DHRS7C: variants seen among roughly 807,000 people sequenced by gnomAD.
DHRS7C encodes the protein dehydrogenase/reductase SDR family member 7C.
DHRS7C carries 28 observed loss-of-function variants against 29.6 expected under a neutral mutation model. The observed-to-expected ratio is 0.95, with a 90% CI of 0.70 to 1.30. The LOEUF (loss-of-function observed/expected upper bound fraction) is 1.30, where lower values mean the gene tolerates loss of function less well. Among genes scored for constraint, DHRS7C ranks in the 50% most tolerant of loss-of-function variants. The probability of loss-of-function intolerance (pLI) is 0.00; values close to 1 mark genes in which losing one functional copy is unlikely to be tolerated. For missense variants in DHRS7C, 403 were observed against 393.3 expected, an observed-to-expected ratio of 1.02 and a Z score of -0.21; for synonymous variants, 158 against 160.2, an observed-to-expected ratio of 0.99 and a Z score of 0.10.
At chr17:9,786,936 T>C (rs2066427315) in intron 1 of DHRS7C, among the ~76,000 whole-genome samples, 1 of 152,136 alleles carries the variant, frequency 6.6e-6, no homozygotes, top group South Asian at 2.1e-4. Flanking sequence ...CTCCCTCTCT[T>C]GATGATGAGC....
chr17:9,788,798 A>G (rs1438270584), intron 1 of DHRS7C, among the ~76,000 whole-genome samples: 2 of 152,246 alleles, frequency 1.3e-5, no homozygotes, highest in Admixed American at 6.5e-5. Context: ...CACTGCCGTC[A>G]GCAGCGTGGA....
At chr17:9,781,702 C>T in intron 1 of DHRS7C, 108 bp from the exon 2 acceptor site, 2 of 1,048,640 alleles carry the variant, frequency 1.9e-6, no homozygotes, top group Non-Finnish European at 2.8e-6. Context: ...GAAGTCTTAG[C>T]ACCACGAGGT....
In DHRS7C at chr17:9,788,082, A is replaced by G. The variant is rs1209159702; in HGVS notation, c.154+3049T>C. ...AATCAGTCTGATTTCAGAAATGTTT[A>G]AAGGACAGAAACTGCACCTTTGAGG... On this transcript the variant is annotated intron_variant, in intron 1 of 5. Transcript: ENST00000571134. Among the ~76,000 whole-genome samples, 5 of 152,208 alleles carry G rather than the reference A, an allele frequency of 3.3e-5. No homozygotes were observed. The East Asian group carries it at 9.6e-4, about 29-fold the overall frequency.
chr17:9,777,369 C>T, intron 3 of DHRS7C, 84 bp from the exon 4 acceptor site: 1 of 1,113,848 alleles, frequency 9.0e-7, no homozygotes, highest in Non-Finnish European at 1.3e-6. Context: ...CCCCGGTACC[C>T]TCATCACAGG....
chr17:9,783,923 AG>A (rs2087803157), intron 1 of DHRS7C, among the ~76,000 whole-genome samples: 1 of 150,344 alleles, frequency 6.7e-6, no homozygotes, highest in Non-Finnish European at 1.5e-5. Context: ...CCTGGGCAAC[AG>A]AGTGAGACTC....
chr17:9,775,868 G>A lies in DHRS7C; in HGVS notation c.571+1325C>T, dbSNP rs1262085634. Among the ~76,000 whole-genome samples, 1 of 152,164 alleles carries A rather than the reference G, an allele frequency of 6.6e-6. No homozygotes were observed. Among genetic ancestry groups the A allele is most frequent in the Non-Finnish European group, 1.5e-5 (1 of 68,030 alleles). On this transcript the variant is annotated intron_variant, in intron 4 of 5. Coordinates refer to ENST00000571134, the MANE Select transcript of DHRS7C (RefSeq NM_001105571.3). This position sits in a 1 kb window ranked among gnomAD's most constrained non-coding sequence, Gnocchi z 4.2. ...GATTAATATAAAATGAGGGCATTAGGCTGCGTCCTACTCTAATCTGACTGG... is the reference window on the plus strand; with the variant it reads ...GATTAATATAAAATGAGGGCATTAGACTGCGTCCTACTCTAATCTGACTGG...
At chr17:9,772,460 C>T (rs747153901) in intron 5 of DHRS7C, among the ~76,000 whole-genome samples, 7 of 152,160 alleles carry the variant, frequency 4.6e-5, no homozygotes, top group Non-Finnish European at 1.0e-4. Context: ...AACCCCGAAT[C>T]CAGGCCATGA....
chr17:9,782,184 A>C (rs868186314), intron 1 of DHRS7C, among the ~76,000 whole-genome samples: 4 of 152,242 alleles, frequency 2.6e-5, no homozygotes, highest in African/African-American at 9.6e-5. Context: ...AAGCAATAGA[A>C]GCTCACAGAT....
At position 9,791,272 on chromosome 17, in the gene DHRS7C, C is replaced by T. The variant is rs1001304593; in HGVS notation, c.13G>A (p.Ala5Thr). 5.6e-6 allele frequency: 9 copies of T among 1,613,504 alleles called. No homozygotes were observed. In the African/African-American group the frequency reaches 8.0e-5, roughly 14 times the overall value. MGVM[A>T]MLMLPLLLLG... Reference sequence around the variant, plus strand: ...AGCAGCAGGGGGAGCATCAGCATGGCCATGACTCCCATCTTGTTCTGGGGG... The same window carrying T: ...AGCAGCAGGGGGAGCATCAGCATGGTCATGACTCCCATCTTGTTCTGGGGG... The change falls in exon 1 of 6, where the codon GCC becomes ACC. Residue 5 changes from alanine (A) to threonine (T), a missense_variant. Physicochemically the swap from Ala to Thr is moderately conservative, Grantham distance 58. Transcript: ENST00000571134.
chr17:9,781,457 C>T, intron 2 of DHRS7C, 25 bp downstream of exon 2: 1 of 1,608,346 alleles, frequency 6.2e-7, no homozygotes, highest in Non-Finnish European at 8.5e-7. Context: ...AGGAGTTACC[C>T]ACGCCTACTG....
Position 9,777,208 on chromosome 17 carries a change from G to C in DHRS7C, c.556C>G (p.Pro186Ala), listed in dbSNP as rs779439218. 5 of 1,613,364 alleles carry C rather than the reference G, an allele frequency of 3.1e-6. No homozygotes were observed. The highest frequency in any genetic ancestry group is 4.2e-6 in the Non-Finnish European group (5 of 1,179,618). ...VNNIQGKFGI[P>A]FRTTYAASKH... ...AGCAACTTACAAGTCGTACGGAACG[G>C]GATTCCAAACTTCCCTTGGATATTA... Residue 186 changes from proline to alanine, a missense_variant, in exon 4 of 6, where the codon CCG (proline) becomes GCG (alanine). Pro to Ala is a conservative substitution (Grantham distance 27). Transcript: ENST00000571134.
chr17:9,782,440 G>T (rs1324743642), intron 1 of DHRS7C, among the ~76,000 whole-genome samples: 1 of 152,178 alleles, frequency 6.6e-6, no homozygotes, highest in African/African-American at 2.4e-5. Flanking sequence ...TCTCAGGAAA[G>T]TCTAGCTTTG....
At chr17:9,772,388 C>T (rs2066334745) in intron 5 of DHRS7C, among the ~76,000 whole-genome samples, 1 of 152,182 alleles carries the variant, frequency 6.6e-6, no homozygotes, top group Admixed American at 6.5e-5. Context: ...GTGCAGGTGG[C>T]CTGGCTTTAG....
intron 1 of DHRS7C, among the ~76,000 whole-genome samples, chr17:9,786,328 AAATAATAATAATAATAAT>A (rs200610370): frequency 8.5e-4 from 117 of 138,194 alleles, no homozygotes; most frequent in African/African-American, 2.8e-3. Flanking sequence ...ACTCCGTCTC[AAATAATAATAATAATAAT>A]AATAATAATA....
Position 9,771,693 on chromosome 17 carries a change from A to C in DHRS7C, c.731T>G (p.Phe244Cys), listed in dbSNP as rs751442515. Residue 244 changes from phenylalanine to cysteine, a missense_variant, in exon 6 of 6, where the codon TTT becomes TGT. Phe to Cys is a radical substitution (Grantham distance 205, BLOSUM62 -2). Transcript: ENST00000571134. ...CACGCCGTAGGTCAGCTTCCTGAAA[A>C]AGACTGAAAGGCCCCAGTTGGGGGC... is the stretch of plus-strand genomic sequence containing the variant. ...GNWEASIWKF[F>C]FRKLTYGVHP... 2.7e-6 allele frequency: 4 copies of C among 1,482,942 alleles called. No individual in the cohort carries two copies. The highest frequency in any genetic ancestry group is 3.6e-6 in the Non-Finnish European group (4 of 1,109,328). 91.9% of individuals were successfully genotyped at this position (1,482,942 alleles called of 1,614,324 possible).
At chr17:9,776,696 A>T (rs73269376) in intron 4 of DHRS7C, among the ~76,000 whole-genome samples, 1 of 151,948 alleles carries the variant, frequency 6.6e-6, no homozygotes, top group Non-Finnish European at 1.5e-5. Flanking sequence ...AAGGACGCTC[A>T]TATTTGGAGC....
chr17:9,785,648 C>G (rs2066419042), intron 1 of DHRS7C, among the ~76,000 whole-genome samples: 3 of 152,316 alleles, frequency 2.0e-5, no homozygotes, highest in South Asian at 4.1e-4. Context: ...ACCCACATCT[C>G]CCATTTCACA....
intron 1 of DHRS7C, among the ~76,000 whole-genome samples, chr17:9,790,726 G>A (rs752310234): frequency 1.3e-5 from 2 of 152,214 alleles, no homozygotes; most frequent in Non-Finnish European, 2.9e-5. Context: ...GAAGTTTAAG[G>A]CAGAGAAGTG....
In DHRS7C at chr17:9,774,564, A is replaced by G. The variant is rs555141289; in HGVS notation, c.572-1642T>C. Among the ~76,000 whole-genome samples, 72 of 152,276 alleles carry G rather than the reference A, an allele frequency of 4.7e-4. 1 individual carries two copies. Among genetic ancestry groups the G allele is most frequent in the African/African-American group, 1.7e-3 (69 of 41,572 alleles). ...CTTCCAAAGTGCTGGGATTGCAGGT[A>G]TGAGCCACTGTGCCCGGCCCCATGT... On this transcript the variant is annotated intron_variant, in intron 4 of 5. Transcript: ENST00000571134. This position sits in a 1 kb window ranked among gnomAD's most constrained non-coding sequence, Gnocchi z 5.0.
Sources: gnomAD v4.1 joint callset for allele counts (sites outside exome capture counted in the v4.1 genomes callset) on GRCh38, gnomAD v4.1.1 for gene constraint, Gnocchi (gnomAD v3.1) non-coding constraint, MANE v1.5 for transcripts, NCBI Gene and HGNC (gene_info 2026-07-23, HGNC 2026-07-21) for gene names.